The following CNTN4 variants were observed in gnomAD, a reference collection of about 807,000 sequenced individuals.
CNTN4 encodes contactin 4.
Under a neutral mutation model 122.5 loss-of-function variants are expected in CNTN4, and 77 were observed. That is an observed-to-expected ratio of 0.63 (90% CI 0.52 to 0.76). The LOEUF is 0.76. Among genes scored for constraint, CNTN4 ranks in the 30% least tolerant of loss-of-function variants. The pLI, the probability that CNTN4 is intolerant of heterozygous loss-of-function variation, is 0.00. For synonymous variants in CNTN4, 512 were observed against 447.0 expected (o/e 1.15, Z -1.83); for missense variants, 1,256 against 1,259.1 (o/e 1.00, Z 0.04).
chr3:2,743,294 T>A (rs2089568775), intron 5 of CNTN4, among the ~76,000 whole-genome samples: 1 of 152,190 alleles, frequency 6.6e-6, no homozygotes, highest in African/African-American at 2.4e-5. Context: ...GGGCAGACAG[T>A]CAGTTCTAGA....
chr3:2,838,401 C>G (rs1437256300), intron 7 of CNTN4, among the ~76,000 whole-genome samples: 2 of 151,942 alleles, frequency 1.3e-5, no homozygotes, highest in East Asian at 3.9e-4. Flanking sequence ...TATAGTCTAC[C>G]ACATTCCTAT....
rs145041197 is a variant in CNTN4 at position 3,039,588 on chromosome 3, A to G, written c.2164-449A>G. ...CCAAAGCACAGCAGTGAAAGAAATC[A>G]CTCATCCCTCCAGCTGAACTCTTCC... On this transcript the variant is annotated intron_variant, in intron 19 of 24. Transcript: ENST00000418658. The G allele has an allele frequency of 1.4e-5, 3 of 214,036 alleles. No homozygotes were observed. The Admixed American group carries it at 1.6e-4, about 11-fold the overall frequency. 13.3% of individuals were successfully genotyped at this position (214,036 alleles called of 1,614,324 possible).
intron 4 of CNTN4, among the ~76,000 whole-genome samples, chr3:2,659,536 T>C (rs982884523): frequency 6.6e-6 from 1 of 151,546 alleles, no homozygotes; most frequent in Non-Finnish European, 1.5e-5. Context: ...TATTATCTTA[T>C]AGGTATTACC....
intron 7 of CNTN4, among the ~76,000 whole-genome samples, chr3:2,842,949 T>C (rs1338742884): frequency 1.3e-5 from 2 of 152,180 alleles, no homozygotes; most frequent in African/African-American, 2.4e-5. Context: ...CCTTTATCTC[T>C]CTGTATACTT....
intron 7 of CNTN4, among the ~76,000 whole-genome samples, chr3:2,852,101 G>C (rs1222929714): frequency 1.3e-5 from 2 of 152,188 alleles, no homozygotes; most frequent in Admixed American, 6.5e-5. Flanking sequence ...GAAAGTGAGA[G>C]AGCATATTAA....
chr3:2,612,573 A>G (rs1353140794), intron 4 of CNTN4, among the ~76,000 whole-genome samples: 1 of 152,138 alleles, frequency 6.6e-6, no homozygotes, highest in Non-Finnish European at 1.5e-5. Flanking sequence ...GGTAAAGGCC[A>G]TTATTATCCC....
intron 2 of CNTN4, among the ~76,000 whole-genome samples, chr3:2,217,394 A>G (rs2038889826): frequency 6.6e-6 from 1 of 152,214 alleles, no homozygotes; most frequent in Admixed American, 6.5e-5. Context: ...TCTGCCATTG[A>G]TGCCATTAAA....
At position 2,699,141 on chromosome 3, in the gene CNTN4, G is replaced by A. The variant is rs181492905; in HGVS notation, c.56-37074G>A. Among the ~76,000 whole-genome samples, 10 of 152,220 alleles carry A rather than the reference G, an allele frequency of 6.6e-5. No individual in the cohort carries two copies. The East Asian group carries it at 1.9e-3, about 29-fold the overall frequency. On this transcript the variant is annotated intron_variant, in intron 4 of 24. Coordinates refer to ENST00000418658, the MANE Select transcript of CNTN4 (RefSeq NM_175607.3). Reference sequence around the variant, plus strand: ...GAATTTGATGATGATCTTTTAAAATGTCACCAAATCTAATCACTCAGCCCT... The same window carrying A: ...GAATTTGATGATGATCTTTTAAAATATCACCAAATCTAATCACTCAGCCCT...
chr3:2,277,835 A>T (rs562182053), intron 2 of CNTN4, among the ~76,000 whole-genome samples: 1 of 152,214 alleles, frequency 6.6e-6, no homozygotes, highest in Non-Finnish European at 1.5e-5. Context: ...GTTCAGCACA[A>T]TGCTATTTAT....
At chr3:2,273,396 A>T (rs149304312) in intron 2 of CNTN4, among the ~76,000 whole-genome samples, 3 of 152,172 alleles carry the variant, frequency 2.0e-5, no homozygotes, top group African/African-American at 4.8e-5. Flanking sequence ...TTGTTTTGCA[A>T]TGTGGGCAAC....
intron 7 of CNTN4, among the ~76,000 whole-genome samples, chr3:2,831,004 A>G (rs1379365044): frequency 6.6e-6 from 1 of 152,228 alleles, no homozygotes; most frequent in East Asian, 1.9e-4. Flanking sequence ...TTTTGAACCT[A>G]GGAGTCTTAG....
intron 6 of CNTN4, among the ~76,000 whole-genome samples, chr3:2,807,682 A>T (rs987704739): frequency 6.6e-6 from 1 of 152,024 alleles, no homozygotes; most frequent in African/African-American, 2.4e-5. Context: ...GTTTCTTAGG[A>T]GCAATGAGTC....
At chr3:2,904,481 T>C (rs1347236748) in intron 12 of CNTN4, among the ~76,000 whole-genome samples, 1 of 152,220 alleles carries the variant, frequency 6.6e-6, no homozygotes, top group Non-Finnish European at 1.5e-5. Flanking sequence ...GATTGTGAGA[T>C]TTCATGGGGA....
intron 23 of CNTN4, among the ~76,000 whole-genome samples, chr3:3,048,231 G>GA (rs60064438): frequency 0.27 from 40,058 of 150,862 alleles, 5,567 homozygotes; most frequent in Middle Eastern, 0.35. Context: ...AAATATTCAG[G>GA]AAAAAAAACA....
chr3:2,920,919 T>C (rs2094422967), intron 12 of CNTN4, among the ~76,000 whole-genome samples: 1 of 152,080 alleles, frequency 6.6e-6, no homozygotes, highest in African/African-American at 2.4e-5. Context: ...ACCGAAACAA[T>C]AGAAGGATGG....
chr3:2,987,145 C>G (rs1694653914), intron 13 of CNTN4, among the ~76,000 whole-genome samples: 1 of 152,156 alleles, frequency 6.6e-6, no homozygotes, highest in African/African-American at 2.4e-5. Context: ...TGCAAAGGCC[C>G]TGAAGTGGGA....
intron 3 of CNTN4, among the ~76,000 whole-genome samples, chr3:2,396,653 T>TG (rs199560895): frequency 4.1e-4 from 60 of 145,284 alleles, no homozygotes; most frequent in Admixed American, 7.0e-4. Context: ...GTGTTATGTC[T>TG]GGGTTTTTTT....
At chr3:2,811,857 G>T (rs2092620524) in intron 6 of CNTN4, among the ~76,000 whole-genome samples, 1 of 151,978 alleles carries the variant, frequency 6.6e-6, no homozygotes, top group Non-Finnish European at 1.5e-5. Context: ...GTAGAGACAG[G>T]GTTTCCCCGT....
chr3:2,559,422 G>T (rs528263608), intron 3 of CNTN4, among the ~76,000 whole-genome samples: 42 of 152,160 alleles, frequency 2.8e-4, no homozygotes, highest in African/African-American at 8.9e-4. Flanking sequence ...GTATACTAAA[G>T]AAATAAGGGA....
Sources: allele counts gnomAD v4.1 joint callset (sites outside exome capture counted in the v4.1 genomes callset), GRCh38; gene constraint gnomAD v4.1.1; transcripts MANE v1.5; gene names NCBI Gene and HGNC (gene_info 2026-07-23, HGNC 2026-07-21).